Variants in ETS2 observed in about 807,000 individuals in gnomAD.
ETS2 encodes the protein protein C-ets-2.
In ETS2, 19 loss-of-function variants were observed where a neutral mutation model predicts 54.9. The observed-to-expected ratio is 0.35, with a 90% CI of 0.24 to 0.51. The LOEUF (loss-of-function observed/expected upper bound fraction) is 0.51, where lower values mean the gene tolerates loss of function less well. Among genes scored for constraint, ETS2 ranks in the 20% least tolerant of loss-of-function variants. The pLI is 0.97. For synonymous variants in ETS2, 219 were observed against 229.3 expected (o/e 0.95, Z 0.41); for missense variants, 417 against 593.0 (o/e 0.70, Z 3.08).
upstream of ETS2, chr21:38,805,354 C>T: frequency 7.8e-7 from 1 of 1,288,782 alleles, no homozygotes; most frequent in African/African-American, 1.5e-5. The surrounding 1 kb of genome is among the most constrained non-coding windows in gnomAD (Gnocchi z 5.2). Flanking sequence ...AGAATGGGGT[C>T]GGCTCAATTT....
At chr21:38,812,903 C>G in intron 2 of ETS2, 100 bp from the exon 3 acceptor site, 1 of 769,090 alleles carries the variant, frequency 1.3e-6, no homozygotes, top group Non-Finnish European at 2.3e-6. Context: ...CCAGTTTAAT[C>G]AGGGACTATT....
In ETS2 at chr21:38,819,605, T is replaced by C; in HGVS notation, c.914T>C (p.Val305Ala). 3 of 1,614,224 alleles carry C rather than the reference T, an allele frequency of 1.9e-6. No individual in the cohort carries two copies. Among genetic ancestry groups the C allele is most frequent in the Non-Finnish European group, 2.5e-6 (3 of 1,180,040 alleles). ...SWNSQSSLLDVQRVPSFESFE... is the reference protein window; with the variant it reads ...SWNSQSSLLDAQRVPSFESFE... ...AACAGCCAGTCGTCCTTGCTGGATG[T>C]GCAACGGGTTCCTTCCTTCGAGAGC... is the stretch of plus-strand genomic sequence containing the variant. Residue 305 changes from valine to alanine, a missense_variant, in exon 8 of 10, where the codon GTG (valine) becomes GCG (alanine). Around this residue, in one of 3 missense-constraint regions of ETS2, gnomAD observed 326 missense variants for 426.1 expected, o/e 0.76. Transcript: ENST00000360938.
chr21:38,814,941 G>C lies in ETS2; in HGVS notation c.465G>C (p.Val155=). 1 of 1,614,102 alleles carries C rather than the reference G, an allele frequency of 6.2e-7. No homozygotes were observed. Among genetic ancestry groups the C allele is most frequent in the Non-Finnish European group, 8.5e-7 (1 of 1,180,024 alleles). The change falls in exon 5 of 10, where the codon GTG becomes GTC. Residue 155 remains valine, a synonymous_variant. Transcript: ENST00000360938. This position sits in a 1 kb window ranked among gnomAD's most constrained non-coding sequence, Gnocchi z 4.2. ...ERFLELAPDF[V]GDILWEHLEQ... The stretch of plus-strand genomic sequence containing the variant: ...TTCTGGAGCTGGCACCTGACTTTGT[G>C]GGTGACATTCTCTGGGAACATCTGG...
chr21:38,805,854 C>T (rs999425717), upstream of ETS2: 2 of 1,148,964 alleles, frequency 1.7e-6, no homozygotes, highest in Non-Finnish European at 2.2e-6. The surrounding 1 kb of genome is among the most constrained non-coding windows in gnomAD (Gnocchi z 5.2). Flanking sequence ...CCCCTCCACT[C>T]GGCCGTCCCT....
chr21:38,814,507 T>C lies in ETS2; in HGVS notation c.304+115T>C, dbSNP rs2060925416. The C allele has an allele frequency of 1.5e-6, 2 of 1,314,984 alleles. No homozygotes were observed. The highest frequency in any genetic ancestry group is 2.9e-5 in the African/African-American group (2 of 68,168). The allele number at this position is 1,314,984 out of a possible 1,614,324, so 81.5% of individuals were successfully genotyped here. A position where few individuals can be genotyped will look rare whatever the true frequency, so the allele number is the denominator to read the frequency against. On this transcript the variant is annotated intron_variant, in intron 4 of 9. Transcript: ENST00000360938. The surrounding 1 kb of genome is among the most constrained non-coding windows in gnomAD (Gnocchi z 4.2). ...TTGGGGTATTCTGCAAAGAGTAGCA[T>C]GGATGTCGTTAACCTGAGCCAGTTT...
chr21:38,805,472 G>A (rs1231921985), upstream of ETS2: 1 of 1,288,236 alleles, frequency 7.8e-7, no homozygotes, highest in Non-Finnish European at 1.0e-6. This position sits in a 1 kb window ranked among gnomAD's most constrained non-coding sequence, Gnocchi z 5.2. Context: ...TGGCCCCAGA[G>A]AGGACGCCGA....
At chr21:38,812,652 G>C (rs1569022377) in intron 2 of ETS2, among the ~76,000 whole-genome samples, 1 of 152,066 alleles carries the variant, frequency 6.6e-6, no homozygotes. Flanking sequence ...GTGGTGGTGG[G>C]CGCCTGTAGT....
chr21:38,820,228 C>T (rs1053723128), intron 8 of ETS2, among the ~76,000 whole-genome samples: 1 of 152,174 alleles, frequency 6.6e-6, no homozygotes, highest in African/African-American at 2.4e-5. Context: ...AGGCAGTGGA[C>T]AAATATAAAG....
chr21:38,821,605 G>A lies in ETS2; in HGVS notation c.1095G>A (p.Leu365=). Residue 365 remains leucine (L), a synonymous_variant, in exon 9 of 10, where the codon CTG becomes CTA. Coordinates refer to ENST00000360938, the MANE Select transcript of ETS2 (RefSeq NM_005239.6). This position sits in a 1 kb window ranked among gnomAD's most constrained non-coding sequence, Gnocchi z 4.2. ...AGFTGSGPIQ[L]WQFLLELLSD... is the part of the protein sequence containing the mutation. ...CCGCAGGAAGTGGACCTATTCAGCT[G>A]TGGCAGTTTCTCCTGGAGCTGCTAT... The A allele has an allele frequency of 6.2e-7, 1 of 1,613,594 alleles. No homozygotes were observed. The highest frequency in any genetic ancestry group is 1.3e-5 in the African/African-American group (1 of 75,054).
In ETS2 at chr21:38,821,487, T is replaced by C; in HGVS notation, c.1076-99T>C. On this transcript the variant is annotated intron_variant, in intron 8 of 9. Coordinates refer to ENST00000360938, the MANE Select transcript of ETS2 (RefSeq NM_005239.6). The surrounding 1 kb of genome is among the most constrained non-coding windows in gnomAD (Gnocchi z 4.2). Reference sequence around the variant, plus strand: ...GGAACCCCATTCAGAGAGTTGGGTCTGCATTCCTAAATCAGCATGTACAAT... The same window carrying C: ...GGAACCCCATTCAGAGAGTTGGGTCCGCATTCCTAAATCAGCATGTACAAT... 1 of 886,228 alleles carries C rather than the reference T, an allele frequency of 1.1e-6. No individual in the cohort carries two copies. Among genetic ancestry groups the C allele is most frequent in the South Asian group, 1.5e-5 (1 of 68,482 alleles). 54.9% of individuals were successfully genotyped at this position (886,228 alleles called of 1,614,324 possible).
chr21:38,822,800 C>G lies in ETS2; in HGVS notation c.1321C>G (p.Arg441Gly). Residue 441 changes from arginine to glycine, a missense_variant, in exon 10 of 10, where the codon CGC (arginine) becomes GGC (glycine). Arg to Gly is a moderately radical substitution (Grantham distance 125). This residue lies in a region of ETS2 where 60 missense variants were observed against 134.1 expected (regional missense o/e 0.45). Coordinates refer to ENST00000360938, the MANE Select transcript of ETS2 (RefSeq NM_005239.6). ...GACGTCGGGGAAGCGCTACGTGTAC[C>G]GCTTCGTGTGCGACCTCCAGAACTT... ...HKTSGKRYVYRFVCDLQNLLG... is the reference protein window; with the variant it reads ...HKTSGKRYVYGFVCDLQNLLG... The G allele has an allele frequency of 1.2e-6, 2 of 1,613,994 alleles. No homozygotes were observed. The highest frequency in any genetic ancestry group is 1.7e-6 in the Non-Finnish European group (2 of 1,179,898).
At chr21:38,809,073 C>T (rs1047685093) in intron 1 of ETS2, among the ~76,000 whole-genome samples, 24 of 152,186 alleles carry the variant, frequency 1.6e-4, no homozygotes, top group African/African-American at 4.8e-4. Context: ...AATTACAAGC[C>T]TCATTGTAAT....
chr21:38,813,179 G>A, intron 3 of ETS2, 65 bp downstream of exon 3: 1 of 986,384 alleles, frequency 1.0e-6, no homozygotes, highest in Non-Finnish European at 1.6e-6. Context: ...TTAATAAAGA[G>A]ATGACAGTTC....
Position 38,814,355 on chromosome 21 carries a change from C to T in ETS2, c.267C>T (p.Gly89=), listed in dbSNP as rs2060924661. The change falls in exon 4 of 10, where the codon GGC becomes GGT. Residue 89 remains glycine, a synonymous_variant. Transcript: ENST00000360938. This position sits in a 1 kb window ranked among gnomAD's most constrained non-coding sequence, Gnocchi z 4.2. ...AAGCCTTAAAAGCTACCTTCAGTGG[C>T]TTCAAAAAGGAACAGCGGCGCCTGG... ...MSQALKATFS[G]FKKEQRRLGI... is the part of the protein sequence containing the mutation. 1.2e-6 allele frequency: 2 copies of T among 1,614,128 alleles called. No homozygotes were observed. Among genetic ancestry groups the T allele is most frequent in the Non-Finnish European group, 1.7e-6 (2 of 1,180,016 alleles).
rs770553759 is a variant in ETS2, at chr21:38,819,509, C to T, written c.818C>T (p.Pro273Leu). ...GTTTGGTTGTCTTTGCCAGGGACTC[C>T]CAAAGACCACGACTCCCCTGAGAAC... ...LNLLTNNSGTPKDHDSPENGA... is the reference protein window; with the variant it reads ...LNLLTNNSGTLKDHDSPENGA... Residue 273 changes from proline to leucine, a missense_variant, in exon 8 of 10, where the codon CCC becomes CTC. Physicochemically the swap from Pro to Leu is moderately conservative, Grantham distance 98 (BLOSUM62 -3). Around this residue, in one of 3 missense-constraint regions of ETS2, gnomAD observed 326 missense variants for 426.1 expected, o/e 0.76. Transcript: ENST00000360938. 5.6e-6 allele frequency: 9 copies of T among 1,613,608 alleles called. No individual in the cohort carries two copies. In the Middle Eastern group the frequency reaches 6.6e-4, roughly 118 times the overall value.
In ETS2 at chr21:38,814,157, T is replaced by C; in HGVS notation, c.185-116T>C. The C allele has an allele frequency of 9.5e-7, 1 of 1,051,342 alleles. No homozygotes were observed. The highest frequency in any genetic ancestry group is 1.4e-6 in the Non-Finnish European group (1 of 706,808). The allele number at this position is 1,051,342 out of a possible 1,614,324, so 65.1% of individuals were successfully genotyped here. On this transcript the variant is annotated intron_variant, in intron 3 of 9. Transcript: ENST00000360938. This position sits in a 1 kb window ranked among gnomAD's most constrained non-coding sequence, Gnocchi z 4.2. ...ATAGTTACACTGTTTTAAGGAATCA[T>C]GCCAAGGTTTGAGATCAAAATTGTT...
Position 38,819,540 on chromosome 21 carries a change from G to A in ETS2, c.849G>A (p.Ala283=), listed in dbSNP as rs115426813. 1.7e-4 allele frequency: 279 copies of A among 1,614,116 alleles called. No homozygotes were observed. In the African/African-American group the frequency reaches 2.3e-3, roughly 13 times the overall value. ...ACCACGACTCCCCTGAGAACGGTGC[G>A]GACAGCTTCGAGAGCTCAGACTCCC... The part of the protein sequence containing the change: ...PKDHDSPENG[A]DSFESSDSLL... Residue 283 remains alanine, a synonymous_variant, in exon 8 of 10, where the codon GCG becomes GCA. Coordinates refer to ENST00000360938, the MANE Select transcript of ETS2 (RefSeq NM_005239.6).
Position 38,819,463 on chromosome 21 carries a change from C to A in ETS2, c.812-40C>A. Reference sequence around the variant, plus strand: ...TGGTCGTGCCCAAGACCAACTGTGTCCTGGAGGAATCAAAGTATGTGTTTG... The same window carrying A: ...TGGTCGTGCCCAAGACCAACTGTGTACTGGAGGAATCAAAGTATGTGTTTG... On this transcript the variant is annotated intron_variant, in intron 7 of 9. Transcript: ENST00000360938. 1.2e-6 allele frequency: 2 copies of A among 1,605,982 alleles called. 1 individual carries two copies. The highest frequency in any genetic ancestry group is 1.7e-6 in the Non-Finnish European group (2 of 1,173,452).
intron 6 of ETS2, among the ~76,000 whole-genome samples, chr21:38,817,655 G>T (rs2060940636): frequency 6.6e-6 from 1 of 152,232 alleles, no homozygotes; most frequent in African/African-American, 2.4e-5. Flanking sequence ...CTCTGAACTT[G>T]GGAGCTTAAA....
Sources: allele counts gnomAD v4.1 joint callset (sites outside exome capture counted in the v4.1 genomes callset), GRCh38; gene constraint gnomAD v4.1.1; regional missense constraint gnomAD v4.1.1; non-coding constraint Gnocchi (gnomAD v3.1); transcripts MANE v1.5; gene names NCBI Gene and HGNC (gene_info 2026-07-23, HGNC 2026-07-21).